POLQ: variants seen among roughly 807,000 people sequenced by gnomAD.
POLQ encodes DNA polymerase theta, also known as epididymis secretory sperm binding protein.
In POLQ, 233 loss-of-function variants were observed where a neutral mutation model predicts 259.2. That is an observed-to-expected ratio of 0.90 (90% CI 0.81 to 1.00). The LOEUF is 1.00. Among genes scored for constraint, POLQ ranks in the 50% least tolerant of loss-of-function variants. POLQ has a pLI of 0.00. For synonymous variants in POLQ, 1,025 were observed against 1,048.8 expected, an observed-to-expected ratio of 0.98 and a Z score of 0.44; for missense variants, 2,871 against 3,051.6, an observed-to-expected ratio of 0.94 and a Z score of 1.39.
intron 15 of POLQ, among the ~76,000 whole-genome samples, chr3:121,491,335 C>T (rs2048066808): frequency 3.9e-5 from 4 of 102,448 alleles, no homozygotes; most frequent in African/African-American, 1.2e-4. Flanking sequence ...GGCGACAGAG[C>T]GAGACTGTCA....
intron 12 of POLQ, among the ~76,000 whole-genome samples, chr3:121,501,176 T>C (rs995205210): frequency 1.3e-5 from 2 of 151,810 alleles, no homozygotes; most frequent in African/African-American, 4.8e-5. Flanking sequence ...ATGTTGCTGG[T>C]CTCAAACTTC....
intron 26 of POLQ, among the ~76,000 whole-genome samples, chr3:121,447,889 A>G (rs1453059701): frequency 6.6e-6 from 1 of 152,222 alleles, no homozygotes; most frequent in African/African-American, 2.4e-5. Flanking sequence ...GTCTGCTGCC[A>G]GACATATTGA....
rs78578025 is a variant in POLQ, at chr3:121,483,586, T to TA, written c.5774-5dup. On this transcript the variant is annotated splice_region_variant and splice_polypyrimidine_tract_variant and intron_variant, in intron 17 of 29. Coordinates refer to ENST00000264233, the MANE Select transcript of POLQ (RefSeq NM_199420.4). ...GGAACCAAACTGGCACTAATTTCTT[T>TA]AAAAAAAAAAAAAAAAAGGAAAAAA... 0.065 allele frequency: 80,959 copies of TA among 1,250,850 alleles called. 6 individuals are homozygous for TA. The highest frequency in any genetic ancestry group is 0.081 in the South Asian group (4,233 of 52,472). The allele number at this position is 1,250,850 out of a possible 1,614,324, so 77.5% of individuals were successfully genotyped here.
intron 25 of POLQ, among the ~76,000 whole-genome samples, chr3:121,457,455 G>A (rs1325287730): frequency 2.0e-5 from 3 of 152,052 alleles, no homozygotes; most frequent in Non-Finnish European, 2.9e-5. Context: ...GCAACCTACA[G>A]AATGGGAGAA....
chr3:121,535,016 T>C (rs1178192263), intron 5 of POLQ, among the ~76,000 whole-genome samples: 1 of 152,246 alleles, frequency 6.6e-6, no homozygotes, highest in East Asian at 1.9e-4. Context: ...ACAGGTACTC[T>C]GCTGTTTTGA....
rs2108796135 is a variant in POLQ, at chr3:121,485,155, C to T, written c.5659G>A (p.Asp1887Asn). ...CAACCTTTAATGGGAAATCCATCAT[C>T]TCTAATAGGAATTTCCTGAGGTGAG... is the stretch of plus-strand genomic sequence containing the variant. ...ASSPQEIPIR[D>N]DGFPIKGCDD... The change falls in exon 17 of 30, where the codon GAT (aspartate) becomes AAT (asparagine). Residue 1887 changes from aspartate (D) to asparagine (N), a missense_variant. Asp to Asn is a conservative substitution (Grantham distance 23). Coordinates refer to ENST00000264233, the MANE Select transcript of POLQ (RefSeq NM_199420.4). 6.2e-7 allele frequency: 1 copy of T among 1,607,690 alleles called. No homozygotes were observed. The highest frequency in any genetic ancestry group is 2.2e-5 in the East Asian group (1 of 44,718).
At chr3:121,472,294 T>A in intron 21 of POLQ, 130 bp from the exon 22 acceptor site, 1 of 462,620 alleles carries the variant, frequency 2.2e-6, no homozygotes, top group Admixed American at 3.7e-5. Context: ...AAACTATTAC[T>A]TGGAGTTTTT....
chr3:121,479,400 A>G (rs1258788191), intron 19 of POLQ, among the ~76,000 whole-genome samples: 1 of 151,608 alleles, frequency 6.6e-6, no homozygotes, highest in Non-Finnish European at 1.5e-5. Flanking sequence ...ACACATCAAA[A>G]CTGTAGAATA....
chr3:121,494,676 T>C lies in POLQ; in HGVS notation c.2279-955A>G. The C allele has an allele frequency of 4.4e-6, 7 of 1,575,894 alleles. No homozygotes were observed. In the East Asian group the frequency reaches 1.6e-4, roughly 35 times the overall value. ...TGCATTACCAAGGGGAAGGCAAGAC[T>C]GGGACGTCTAGTCCACAGGAAGACC... On this transcript the variant is annotated intron_variant, in intron 14 of 29. Coordinates refer to ENST00000264233, the MANE Select transcript of POLQ (RefSeq NM_199420.4).
intron 9 of POLQ, among the ~76,000 whole-genome samples, chr3:121,518,377 C>G (rs1395632987): frequency 6.6e-6 from 1 of 151,994 alleles, no homozygotes; most frequent in Non-Finnish European, 1.5e-5. Flanking sequence ...ACTAACTAGC[C>G]CATTAAAAAG....
chr3:121,540,391 C>G (rs2048481913), intron 3 of POLQ, among the ~76,000 whole-genome samples: 1 of 152,186 alleles, frequency 6.6e-6, no homozygotes, highest in Non-Finnish European at 1.5e-5. Context: ...CTAGAACCCA[C>G]ATTTCTTTAA....
intron 9 of POLQ, among the ~76,000 whole-genome samples, chr3:121,515,168 T>A (rs1019199350): frequency 3.3e-5 from 5 of 152,260 alleles, no homozygotes; most frequent in Non-Finnish European, 4.4e-5. Context: ...ATGTGCATTT[T>A]TTTTATTTTA....
chr3:121,520,062 T>G lies in POLQ; in HGVS notation c.1277A>C (p.Asp426Ala). Residue 426 changes from aspartate to alanine, a missense_variant, in exon 9 of 30, where the codon GAT becomes GCT. This residue lies in a region of POLQ where 783 missense variants were observed against 906.2 expected (regional missense o/e 0.86). Transcript: ENST00000264233. The stretch of plus-strand genomic sequence containing the variant: ...TTGACGAAAGGCTCCTTCAATGATA[T>G]CCCTCTCCTCAAAAGTAAGACCTAA... ...HHAGLTFEER[D>A]IIEGAFRQGL... The G allele has an allele frequency of 6.2e-7, 1 of 1,611,278 alleles. No homozygotes were observed. Among genetic ancestry groups the G allele is most frequent in the Non-Finnish European group, 8.5e-7 (1 of 1,177,666 alleles).
chr3:121,472,512 TGGAA>T (rs1430935731), intron 21 of POLQ, among the ~76,000 whole-genome samples: 2 of 152,244 alleles, frequency 1.3e-5, no homozygotes, highest in Non-Finnish European at 2.9e-5. Context: ...CTCACATGAC[TGGAA>T]GTATCCCAGT....
chr3:121,435,962 A>C (rs1301725512), intron 28 of POLQ, among the ~76,000 whole-genome samples, 160 bp downstream of exon 28: 1 of 152,222 alleles, frequency 6.6e-6, no homozygotes, highest in Non-Finnish European at 1.5e-5. Flanking sequence ...CAAAAACAAG[A>C]GCTCTTTGAA....
Position 121,539,432 on chromosome 3 carries a change from C to T in POLQ, c.631+1G>A. ...ATTTACTTATTTTCTAACTTTCTTACCTAACAGATCCATCTTATTTTCCTC... is the reference window on the plus strand; with the variant it reads ...ATTTACTTATTTTCTAACTTTCTTATCTAACAGATCCATCTTATTTTCCTC... On this transcript the variant is annotated splice_donor_variant, in intron 4 of 29. Transcript: ENST00000264233. LOFTEE classifies it high-confidence loss of function. 6.3e-7 allele frequency: 1 copy of T among 1,590,410 alleles called. No individual in the cohort carries two copies. The highest frequency in any genetic ancestry group is 8.5e-7 in the Non-Finnish European group (1 of 1,171,134).
rs188932644 is a variant in POLQ, at chr3:121,452,960, C to A, written c.7153-3534G>T. Among the ~76,000 whole-genome samples, 1,150 of 152,306 alleles carry A rather than the reference C, an allele frequency of 7.6e-3. 15 individuals are homozygous for A. Among genetic ancestry groups the A allele is most frequent in the African/African-American group, 0.026 (1,091 of 41,556 alleles). On this transcript the variant is annotated intron_variant, in intron 25 of 29. Transcript: ENST00000264233. Reference sequence around the variant, plus strand: ...CTCAAGTGGGTCCCTGACCCTTGACCCCCGAGCAGCCTAACTGGGAGGCAC... The same window carrying A: ...CTCAAGTGGGTCCCTGACCCTTGACACCCGAGCAGCCTAACTGGGAGGCAC...
intron 6 of POLQ, among the ~76,000 whole-genome samples, chr3:121,531,717 G>T (rs1176165274): frequency 6.6e-6 from 1 of 152,144 alleles, no homozygotes; most frequent in Non-Finnish European, 1.5e-5. Flanking sequence ...AATATAAGTG[G>T]TTCAAAAGGG....
intron 21 of POLQ, among the ~76,000 whole-genome samples, chr3:121,472,554 A>G (rs956343441): frequency 6.6e-6 from 1 of 152,216 alleles, no homozygotes; most frequent in Non-Finnish European, 1.5e-5. Context: ...GGATACTTAT[A>G]CGGTTTCCAT....
Sources: gnomAD v4.1 joint callset for allele counts (sites outside exome capture counted in the v4.1 genomes callset) on GRCh38, gnomAD v4.1.1 for gene constraint, gnomAD v4.1.1 regional missense constraint, MANE v1.5 for transcripts, NCBI Gene and HGNC (gene_info 2026-07-23, HGNC 2026-07-21) for gene names.